The following LTBP2 variants were observed in gnomAD, a reference collection of about 807,000 sequenced individuals.
LTBP2 encodes latent-transforming growth factor beta-binding protein 2.
A neutral mutation model predicts 210.6 loss-of-function variants in LTBP2; 103 were observed. That is an observed-to-expected ratio of 0.49 (90% CI 0.42 to 0.58). The LOEUF is 0.58. Ranked by LOEUF, LTBP2 falls within the 20% of genes least tolerant of loss-of-function variation. LTBP2 has a pLI of 0.00. For missense variants in LTBP2, 2,313 were observed against 2,494.5 expected (o/e 0.93, Z 1.55); for synonymous variants, 1,007 against 1,015.0 (o/e 0.99, Z 0.15).
intron 18 of LTBP2, among the ~76,000 whole-genome samples, chr14:74,512,943 A>T (rs1328968444): frequency 6.7e-6 from 1 of 150,198 alleles, no homozygotes; most frequent in African/African-American, 2.4e-5. Flanking sequence ...AAGGTACTTG[A>T]AGGAGGATGG....
At chr14:74,557,949 TC>T (rs1319466048) in intron 3 of LTBP2, among the ~76,000 whole-genome samples, 1 of 152,098 alleles carries the variant, frequency 6.6e-6, no homozygotes, top group Non-Finnish European at 1.5e-5. Context: ...GGGCATCCCT[TC>T]CCCCAGTAGG....
At chr14:74,540,848 T>TATATATATTA (rs1555350201) in intron 8 of LTBP2, among the ~76,000 whole-genome samples, 30 of 68,870 alleles carry the variant, frequency 4.4e-4, no homozygotes, top group African/African-American at 1.5e-3. Context: ...TTTATATATA[T>TATATATATTA]TATATATATT....
rs772416277 is a variant in LTBP2, at chr14:74,532,420, AC to A, written c.1987+5del. 5 of 1,613,742 alleles carry A rather than the reference AC, an allele frequency of 3.1e-6. No individual in the cohort carries two copies. In the Admixed American group the frequency reaches 8.3e-5, roughly 27 times the overall value. ...CCACCCCCACCCCATCCCTGCCAGCACTCACACACACAGCGGCTCCGCGATG... is the reference window on the plus strand; with the variant it reads ...CCACCCCCACCCCATCCCTGCCAGCATCACACACACAGCGGCTCCGCGATG... On this transcript the variant is annotated splice_donor_5th_base_variant and intron_variant, in intron 10 of 35. Transcript: ENST00000261978.
chr14:74,523,399 G>T (rs2087233780), intron 15 of LTBP2, among the ~76,000 whole-genome samples: 1 of 152,088 alleles, frequency 6.6e-6, no homozygotes, highest in South Asian at 2.1e-4. Flanking sequence ...GCCACATTGA[G>T]ACTGGCCTGT....
intron 2 of LTBP2, among the ~76,000 whole-genome samples, chr14:74,601,514 G>A (rs899324250): frequency 3.3e-5 from 5 of 152,212 alleles, no homozygotes; most frequent in African/African-American, 1.2e-4. Flanking sequence ...AAAAGGAAAG[G>A]GTGTTTAAGC....
intron 3 of LTBP2, among the ~76,000 whole-genome samples, chr14:74,563,315 ACT>A (rs1463783585): frequency 6.6e-6 from 1 of 152,140 alleles, no homozygotes; most frequent in Non-Finnish European, 1.5e-5. Context: ...GACCTAAGAC[ACT>A]CGTAAATGTC....
intron 20 of LTBP2, 107 bp downstream of exon 20, chr14:74,509,984 G>A: frequency 1.9e-6 from 3 of 1,609,338 alleles, no homozygotes; most frequent in Non-Finnish European, 1.7e-6. Context: ...TGTGAATAGG[G>A]ATGCAAGGCC....
intron 1 of LTBP2, among the ~76,000 whole-genome samples, chr14:74,604,169 A>AAAAAAAAACAAAAAAAAAAC (rs1249223711): frequency 4.7e-5 from 7 of 150,346 alleles, no homozygotes; most frequent in African/African-American, 1.7e-4. Context: ...CTCACCAAAA[A>AAAAAAAAACAAAAAAAAAAC]AAAAAAAAAA....
intron 17 of LTBP2, among the ~76,000 whole-genome samples, chr14:74,521,569 T>C (rs1296332041): frequency 6.6e-6 from 1 of 152,152 alleles, no homozygotes; most frequent in Non-Finnish European, 1.5e-5. Context: ...CCTCCTTCCC[T>C]GACATGAAAC....
At chr14:74,513,008 C>A (rs2087091215) in intron 18 of LTBP2, among the ~76,000 whole-genome samples, 1 of 152,228 alleles carries the variant, frequency 6.6e-6, no homozygotes, top group Non-Finnish European at 1.5e-5. Flanking sequence ...CAGATGATCT[C>A]TTCCAGGATG....
At chr14:74,600,518 T>C (rs1001924235) in intron 2 of LTBP2, among the ~76,000 whole-genome samples, 2 of 152,018 alleles carry the variant, frequency 1.3e-5, no homozygotes, top group East Asian at 3.9e-4. Flanking sequence ...GTTTCTAGGG[T>C]TGAAACTCCA....
At chr14:74,572,324 A>T (rs113672609) in intron 3 of LTBP2, among the ~76,000 whole-genome samples, 8,936 of 69,504 alleles carry the variant, frequency 0.13, 802 homozygotes, top group African/African-American at 0.26. Flanking sequence ...TGTGTGTGTG[A>T]GAGAGAGAGA....
rs765474184 is a variant in LTBP2 at position 74,611,965 on chromosome 14, T to A, written c.-21A>T. On this transcript the variant is annotated 5_prime_UTR_variant, in exon 1 of 36. Transcript: ENST00000261978. ...CTCATGGCGCGGGGCGGCTGGAGAG[T>A]GGTGCGCGCGGGCACCGCGAAGAGC... The A allele has an allele frequency of 7.8e-6, 12 of 1,546,110 alleles. No individual in the cohort carries two copies. Among genetic ancestry groups the A allele is most frequent in the Non-Finnish European group, 1.0e-5 (12 of 1,153,792 alleles).
chr14:74,540,803 ATAT>A (rs1566629849), intron 8 of LTBP2, among the ~76,000 whole-genome samples: 4 of 68,792 alleles, frequency 5.8e-5, no homozygotes, highest in African/African-American at 2.0e-4. Context: ...ATTTATATAT[ATAT>A]ATAATATATA....
chr14:74,520,656 C>A (rs1434572173), intron 17 of LTBP2, among the ~76,000 whole-genome samples: 1 of 152,044 alleles, frequency 6.6e-6, no homozygotes, highest in Non-Finnish European at 1.5e-5. Flanking sequence ...CAAAAATTAG[C>A]CGAGCGTGGT....
chr14:74,607,098 C>A (rs747814629), intron 1 of LTBP2, among the ~76,000 whole-genome samples: 2 of 152,156 alleles, frequency 1.3e-5, no homozygotes, highest in Non-Finnish European at 2.9e-5. Context: ...GTGGGATGAG[C>A]CACTGAGGGT....
chr14:74,540,944 A>ATATATATT (rs1248514534), intron 8 of LTBP2, among the ~76,000 whole-genome samples: 1 of 24,300 alleles, frequency 4.1e-5, no homozygotes, highest in African/African-American at 9.1e-5. Context: ...ATATATATAT[A>ATATATATT]TTTTTTATAT....
chr14:74,540,681 C>T (rs1316914721), intron 8 of LTBP2, among the ~76,000 whole-genome samples: 1 of 144,108 alleles, frequency 6.9e-6, no homozygotes, highest in Non-Finnish European at 1.5e-5. Flanking sequence ...AGGAGAATGG[C>T]GTGAACCCAG....
chr14:74,528,405 T>G, intron 12 of LTBP2, 78 bp downstream of exon 12: 1 of 1,523,880 alleles, frequency 6.6e-7, no homozygotes, highest in Non-Finnish European at 9.1e-7. Context: ...GACCCAGGAT[T>G]AACACCCACA....
Sources: gnomAD v4.1 joint callset for allele counts (sites outside exome capture counted in the v4.1 genomes callset) on GRCh38, gnomAD v4.1.1 for gene constraint, MANE v1.5 for transcripts, NCBI Gene and HGNC (gene_info 2026-07-23, HGNC 2026-07-21) for gene names.